The following MTDH variants were observed in gnomAD, a reference collection of about 807,000 sequenced individuals.
The protein encoded by MTDH is metadherin.
MTDH carries 34 observed loss-of-function variants against 72.7 expected under a neutral mutation model. The observed-to-expected ratio is 0.47, with a 90% CI of 0.36 to 0.62. The LOEUF (loss-of-function observed/expected upper bound fraction) is 0.62. Among genes scored for constraint, MTDH ranks in the 20% least tolerant of loss-of-function variants. The pLI is 0.00. For synonymous variants in MTDH, 266 were observed against 268.9 expected, an observed-to-expected ratio of 0.99 and a Z score of 0.10; for missense variants, 677 against 699.4, an observed-to-expected ratio of 0.97 and a Z score of 0.36.
At chr8:97,673,997 A>T (rs551313404) in intron 2 of MTDH, among the ~76,000 whole-genome samples, 35 of 152,084 alleles carry the variant, frequency 2.3e-4, no homozygotes, top group Middle Eastern at 3.4e-3. Context: ...ATCAAAAAAA[A>T]TTTTTTTAAT....
At position 97,704,786 on chromosome 8, in the gene MTDH, G is replaced by C. The variant is rs1814280418; in HGVS notation, c.1148-1840G>C. Among the ~76,000 whole-genome samples the C allele has an allele frequency of 9.9e-5, 15 of 151,974 alleles. No homozygotes were observed. The South Asian group carries it at 3.1e-3, about 32-fold the overall frequency. ...AACCTAGATTTTAAAACTTTCATAA[G>C]AATGTATTATATATTCCTGTTAAAC... On this transcript the variant is annotated intron_variant, in intron 7 of 11. Coordinates refer to ENST00000336273, the MANE Select transcript of MTDH (RefSeq NM_178812.4).
At position 97,724,696 on chromosome 8, in the gene MTDH, T is replaced by C; in HGVS notation, c.*26T>C. On this transcript the variant is annotated 3_prime_UTR_variant, in exon 12 of 12. Transcript: ENST00000336273. ...AATTTTTTTTCCTGAATTGGACATG[T>C]GTTTGCAAACACTTGTCTTGAAGAT... The C allele has an allele frequency of 6.6e-7, 1 of 1,526,334 alleles. No individual in the cohort carries two copies. Among genetic ancestry groups the C allele is most frequent in the Non-Finnish European group, 8.9e-7 (1 of 1,125,616 alleles). 94.5% of individuals were successfully genotyped at this position (1,526,334 alleles called of 1,614,324 possible).
chr8:97,649,718 C>G (rs959832990), intron 1 of MTDH, among the ~76,000 whole-genome samples: 1 of 151,938 alleles, frequency 6.6e-6, no homozygotes, highest in African/African-American at 2.4e-5. Context: ...TTCCTCCCAC[C>G]TCAGCCCCTC....
chr8:97,726,207 G>C lies in MTDH; in HGVS notation c.*1537G>C, dbSNP rs1815345443. 6.6e-6 allele frequency: 1 copy of C among 152,566 alleles called. No homozygotes were observed. The allele number at this position is 152,566 out of a possible 1,614,324, so 9.5% of individuals were successfully genotyped here. On this transcript the variant is annotated 3_prime_UTR_variant, in exon 12 of 12. Transcript: ENST00000336273. ...ACAAGAGATTATTAACTTTTATCAG[G>C]TGTTAACATCTGTTTCAGGAACATG...
intron 7 of MTDH, among the ~76,000 whole-genome samples, chr8:97,704,036 C>T (rs79121884): frequency 9.7e-4 from 147 of 152,328 alleles, no homozygotes; most frequent in African/African-American, 3.1e-3. Flanking sequence ...GATACTTGCT[C>T]ATGGTGGTGA....
intron 2 of MTDH, among the ~76,000 whole-genome samples, chr8:97,664,486 A>G (rs1812299906): frequency 1.3e-5 from 2 of 152,082 alleles, no homozygotes; most frequent in South Asian, 4.1e-4. Context: ...CAAAGTTTCT[A>G]CCTTTGGTTT....
At position 97,708,264 on chromosome 8, in the gene MTDH, C is replaced by CTTT. The variant is rs71271145; in HGVS notation, c.1272+1547_1272+1549dup. 5.5e-3 allele frequency among the ~76,000 whole-genome samples: 175 copies of CTTT among 32,078 alleles called. 25 individuals are homozygous for CTTT. Among genetic ancestry groups the CTTT allele is most frequent in the African/African-American group, 0.01 (57 of 5,604 alleles). The allele number at this position is 32,078 out of a possible 152,430, so 21.0% of individuals were successfully genotyped here. A position where few individuals can be genotyped will look rare whatever the true frequency, so the allele number is the denominator to read the frequency against. On this transcript the variant is annotated intron_variant, in intron 8 of 11. Coordinates refer to ENST00000336273, the MANE Select transcript of MTDH (RefSeq NM_178812.4). Reference sequence around the variant, plus strand: ...ACAGGCATGAGCCACCATGCCAGGCCTTTTTTTTTTTTTTTTTTTTTTTTT... The same window carrying CTTT: ...ACAGGCATGAGCCACCATGCCAGGCCTTTTTTTTTTTTTTTTTTTTTTTTTTTT...
chr8:97,703,825 C>CTTT (rs368004798), intron 7 of MTDH, among the ~76,000 whole-genome samples: 5 of 152,284 alleles, frequency 3.3e-5, no homozygotes, highest in African/African-American at 1.2e-4. Flanking sequence ...TTATTGAGCG[C>CTTT]TTACTGCATT....
chr8:97,659,571 CATTG>C (rs1418216002), intron 1 of MTDH, among the ~76,000 whole-genome samples: 1 of 152,202 alleles, frequency 6.6e-6, no homozygotes, highest in East Asian at 1.9e-4. Flanking sequence ...TATCCCTGAT[CATTG>C]TTAACAAATG....
At position 97,729,939 on chromosome 8, in the gene MTDH, T is replaced by C. The variant is rs546329662; in HGVS notation, c.*5269T>C. ...GTTGAAAGAGAATCACCCTGGTATA[T>C]AATATTTTAAAACATGAAAAAGGCA... is the stretch of plus-strand genomic sequence containing the variant. On this transcript the variant is annotated 3_prime_UTR_variant, in exon 12 of 12. Coordinates refer to ENST00000336273, the MANE Select transcript of MTDH (RefSeq NM_178812.4). Among the ~76,000 whole-genome samples the C allele has an allele frequency of 6.6e-6, 1 of 152,326 alleles. No homozygotes were observed. Among genetic ancestry groups the C allele is most frequent in the African/African-American group, 2.4e-5 (1 of 41,580 alleles).
chr8:97,704,673 C>T (rs1048249970), intron 7 of MTDH, among the ~76,000 whole-genome samples: 12 of 151,870 alleles, frequency 7.9e-5, no homozygotes, highest in African/African-American at 2.4e-4. Flanking sequence ...GTCTCTTCCT[C>T]ATAAATTTGA....
rs1194148064 is a variant in MTDH at position 97,727,803 on chromosome 8, G to T, written c.*3133G>T. On this transcript the variant is annotated 3_prime_UTR_variant, in exon 12 of 12. Transcript: ENST00000336273. ...CCCTACTCTGAGGCAGGGTGTAGTG[G>T]TTTAGGGGTTTCTCCAGACTGGAAT... The T allele has an allele frequency of 6.6e-6, 1 of 152,074 alleles. No individual in the cohort carries two copies. Among genetic ancestry groups the T allele is most frequent in the Admixed American group, 6.6e-5 (1 of 15,238 alleles). 9.4% of individuals were successfully genotyped at this position (152,074 alleles called of 1,614,324 possible).
At chr8:97,658,384 G>C (rs180857565) in intron 1 of MTDH, among the ~76,000 whole-genome samples, 1 of 152,370 alleles carries the variant, frequency 6.6e-6, no homozygotes, top group East Asian at 1.9e-4. Context: ...TGGGAATGCA[G>C]TTGGTCACTT....
In MTDH at chr8:97,687,304, G is replaced by T. The variant is rs555724515; in HGVS notation, c.569-125G>T. The T allele has an allele frequency of 1.1e-5, 8 of 723,352 alleles. No individual in the cohort carries two copies. In the East Asian group the frequency reaches 2.1e-4, roughly 19 times the overall value. The allele number at this position is 723,352 out of a possible 1,614,324, so 44.8% of individuals were successfully genotyped here. Reference sequence around the variant, plus strand: ...ATGAGTTAATATAATCAACACTCTTGGTTTTAGCTTAACATCTAAATTTAT... The same window carrying T: ...ATGAGTTAATATAATCAACACTCTTTGTTTTAGCTTAACATCTAAATTTAT... On this transcript the variant is annotated intron_variant, in intron 3 of 11. Coordinates refer to ENST00000336273, the MANE Select transcript of MTDH (RefSeq NM_178812.4).
In MTDH at chr8:97,725,374, ATG is replaced by A. The variant is rs1815314963; in HGVS notation, c.*706_*707del. Reference sequence around the variant, plus strand: ...TTTTAAATTAAGAAAAGTGAACTATATGTATTTGTTTTATACATTTAAGGCTT... The same window carrying A: ...TTTTAAATTAAGAAAAGTGAACTATATATTTGTTTTATACATTTAAGGCTT... On this transcript the variant is annotated 3_prime_UTR_variant, in exon 12 of 12. Coordinates refer to ENST00000336273, the MANE Select transcript of MTDH (RefSeq NM_178812.4). The A allele has an allele frequency of 6.5e-6, 1 of 152,686 alleles. No homozygotes were observed. The highest frequency in any genetic ancestry group is 1.9e-4 in the East Asian group (1 of 5,188). The allele number at this position is 152,686 out of a possible 1,614,324, so 9.5% of individuals were successfully genotyped here.
chr8:97,719,069 A>G lies in MTDH; in HGVS notation c.1401A>G (p.Lys467=). 1 of 1,606,266 alleles carries G rather than the reference A, an allele frequency of 6.2e-7. No individual in the cohort carries two copies. Among genetic ancestry groups the G allele is most frequent in the South Asian group, 1.1e-5 (1 of 89,624 alleles). Residue 467 remains lysine, a synonymous_variant, in exon 10 of 12, where the codon AAA becomes AAG. Coordinates refer to ENST00000336273, the MANE Select transcript of MTDH (RefSeq NM_178812.4). ...TATAGGACACAGAAGAATTAGAAAA[A>G]GAGATTAGAGAAGACCTTCCAGTGA... ...STAQDTEELE[K]EIREDLPVNT... is the part of the protein sequence containing the mutation.
chr8:97,680,466 T>G (rs776661536), intron 2 of MTDH, among the ~76,000 whole-genome samples: 4 of 152,220 alleles, frequency 2.6e-5, no homozygotes, highest in Non-Finnish European at 5.9e-5. Flanking sequence ...GTCATTTAAC[T>G]CATTCCTCTT....
rs1469519930 is a variant in MTDH at position 97,729,788 on chromosome 8, G to A, written c.*5118G>A. Among the ~76,000 whole-genome samples the A allele has an allele frequency of 1.3e-5, 2 of 152,118 alleles. No homozygotes were observed. The highest frequency in any genetic ancestry group is 4.8e-5 in the African/African-American group (2 of 41,406). ...TTACAGGCATGAACCACTGTGCCCA[G>A]TCTATATATAATAGATTTTAGAAGA... On this transcript the variant is annotated 3_prime_UTR_variant, in exon 12 of 12. Transcript: ENST00000336273.
Position 97,719,161 on chromosome 8 carries a change from C to T in MTDH, c.1493C>T (p.Pro498Leu). The T allele has an allele frequency of 1.9e-6, 3 of 1,613,524 alleles. No individual in the cohort carries two copies. The highest frequency in any genetic ancestry group is 2.5e-6 in the Non-Finnish European group (3 of 1,179,900). Residue 498 changes from proline to leucine, a missense_variant, in exon 10 of 12, where the codon CCA (proline) becomes CTA (leucine). Around this residue, in one of 3 missense-constraint regions of MTDH, gnomAD observed 201 missense variants for 204.5 expected, o/e 0.98. Transcript: ENST00000336273. ...TTGAAGACCATAAGCACTAGTGATCCAGCCGAAGTACTCGTCAAAAATAGC... is the reference window on the plus strand; with the variant it reads ...TTGAAGACCATAAGCACTAGTGATCTAGCCGAAGTACTCGTCAAAAATAGC... Reference protein sequence around the residue: ...FSLKTISTSDPAEVLVKNSQP... With the variant: ...FSLKTISTSDLAEVLVKNSQP...
Sources: allele counts gnomAD v4.1 joint callset (sites outside exome capture counted in the v4.1 genomes callset), GRCh38; gene constraint gnomAD v4.1.1; regional missense constraint gnomAD v4.1.1; transcripts MANE v1.5; gene names NCBI Gene and HGNC (gene_info 2026-07-23, HGNC 2026-07-21).